The following NF1 variants were observed in gnomAD, a reference collection of about 807,000 sequenced individuals.
The protein encoded by NF1 is neurofibromin 1, also known as neurofibromin.
NF1 carries 122 observed loss-of-function variants against 325.7 expected under a neutral mutation model. That is an observed-to-expected ratio of 0.37 (90% CI 0.32 to 0.44). The LOEUF (loss-of-function observed/expected upper bound fraction) is 0.44. Ranked by LOEUF, NF1 falls within the 20% of genes least tolerant of loss-of-function variation. NF1 has a pLI of 1.00. For missense variants in NF1, 2,140 were observed against 3,415.4 expected, an observed-to-expected ratio of 0.63 and a Z score of 9.31; for synonymous variants, 1,091 against 1,186.0, an observed-to-expected ratio of 0.92 and a Z score of 1.65.
rs1317934996 is a variant in NF1 at position 31,376,048 on chromosome 17, C to T, written c.*1893C>T. The T allele has an allele frequency of 8.6e-6, 2 of 232,898 alleles. No homozygotes were observed. Among genetic ancestry groups the T allele is most frequent in the East Asian group, 1.2e-4 (2 of 16,498 alleles). The allele number at this position is 232,898 out of a possible 1,614,324, so 14.4% of individuals were successfully genotyped here. On this transcript the variant is annotated 3_prime_UTR_variant, in exon 58 of 58. Transcript: ENST00000358273. ...GTTTATAATGACAGAGCAACTATGA[C>T]TATATAAAAAAGCTGAAATTAGAAC...
chr17:31,294,795 CTTAA>C (rs2068425750), intron 36 of NF1: 12 of 599,786 alleles, frequency 2.0e-5, no homozygotes, highest in Admixed American at 9.0e-5. Flanking sequence ...CATTAGTTTA[CTTAA>C]TTAAGACAGT....
At chr17:31,112,150 A>G (rs1411607633) in intron 1 of NF1, among the ~76,000 whole-genome samples, 2 of 152,104 alleles carry the variant, frequency 1.3e-5, no homozygotes, top group African/African-American at 4.8e-5. Context: ...TTTTTGTCTC[A>G]GTGGATATAT....
chr17:31,226,237 C>T lies in NF1; in HGVS notation c.2002-198C>T, dbSNP rs543145622. ...TGTTGGTCCAGATAATCTCATTTCT[C>T]ATTTGGACAAGATATTTTGGGGTTT... is the stretch of plus-strand genomic sequence containing the variant. On this transcript the variant is annotated intron_variant, in intron 17 of 57. Coordinates refer to ENST00000358273, the MANE Select transcript of NF1 (RefSeq NM_001042492.3). 2.6e-5 allele frequency among the ~76,000 whole-genome samples: 4 copies of T among 151,094 alleles called. No individual in the cohort carries two copies. In the South Asian group the frequency reaches 8.4e-4, roughly 32 times the overall value.
chr17:31,189,323 TG>T (rs2066297210), intron 8 of NF1, among the ~76,000 whole-genome samples: 1 of 104,508 alleles, frequency 9.6e-6, no homozygotes, highest in Non-Finnish European at 2.6e-5. Context: ...TGTTCCTTTT[TG>T]TCTCCTAGCT....
chr17:31,361,311 A>T (rs1222808730), intron 57 of NF1: 2 of 152,782 alleles, frequency 1.3e-5, no homozygotes, highest in Non-Finnish European at 2.9e-5. Context: ...ATACACTGAG[A>T]AATACTAATA....
intron 36 of NF1, among the ~76,000 whole-genome samples, chr17:31,276,232 A>AGG (rs1555620774): frequency 4.5e-5 from 6 of 134,416 alleles, no homozygotes; most frequent in African/African-American, 1.6e-4. Flanking sequence ...AAAAAAAAAA[A>AGG]GGGGCACAAT....
chr17:31,342,189 A>T (rs191486305), intron 47 of NF1, among the ~76,000 whole-genome samples: 9 of 152,286 alleles, frequency 5.9e-5, no homozygotes, highest in Admixed American at 5.9e-4. Flanking sequence ...ATGCTTGTAC[A>T]TCTGTTTTGG....
At chr17:31,174,675 T>C (rs1369083111) in intron 5 of NF1, among the ~76,000 whole-genome samples, 5 of 152,226 alleles carry the variant, frequency 3.3e-5, no homozygotes, top group African/African-American at 9.6e-5. Context: ...CAATCATTTA[T>C]TAGATCTGTA....
intron 5 of NF1, among the ~76,000 whole-genome samples, chr17:31,176,226 G>A (rs1185074229): frequency 6.6e-6 from 1 of 152,216 alleles, no homozygotes; most frequent in Non-Finnish European, 1.5e-5. Context: ...TTACTGGCGT[G>A]AGATGGTATC....
At chr17:31,124,503 T>G (rs1914696414) in intron 1 of NF1, among the ~76,000 whole-genome samples, 1 of 151,276 alleles carries the variant, frequency 6.6e-6, no homozygotes, top group African/African-American at 2.4e-5. Context: ...GAGGAACACT[T>G]AATTTGTTTT....
intron 3 of NF1, among the ~76,000 whole-genome samples, chr17:31,161,146 T>C (rs2065755062): frequency 6.6e-6 from 1 of 152,208 alleles, no homozygotes; most frequent in African/African-American, 2.4e-5. Context: ...CTTACCAATA[T>C]GTTATGAGTG....
At chr17:31,105,740 C>A (rs1215687605) in intron 1 of NF1, among the ~76,000 whole-genome samples, 1 of 152,118 alleles carries the variant, frequency 6.6e-6, no homozygotes, top group Non-Finnish European at 1.5e-5. Flanking sequence ...TCTTGAACTC[C>A]CAACCTCAGG....
chr17:31,201,168 A>G lies in NF1; in HGVS notation c.1185+9A>G, dbSNP rs776421322. 1.2e-5 allele frequency: 19 copies of G among 1,613,902 alleles called. No individual in the cohort carries two copies. ...ACAACCAACACTTTAAGGTGAGAGC[A>G]TTGGTTTTTATCTAACTATATTTAC... On this transcript the variant is annotated intron_variant, in intron 10 of 57. Transcript: ENST00000358273.
chr17:31,223,969 C>T (rs978287147), intron 16 of NF1, among the ~76,000 whole-genome samples: 2 of 151,974 alleles, frequency 1.3e-5, no homozygotes, highest in African/African-American at 4.8e-5. Context: ...TCTATTATGG[C>T]GTAGATTTGG....
intron 4 of NF1, among the ~76,000 whole-genome samples, chr17:31,165,956 T>G (rs1253906763): frequency 6.6e-6 from 1 of 152,152 alleles, no homozygotes; most frequent in African/African-American, 2.4e-5. Flanking sequence ...CCTCCCAAAG[T>G]GTTGGGATTA....
At chr17:31,241,462 T>C (rs1369534399) in intron 29 of NF1, among the ~76,000 whole-genome samples, 3 of 152,202 alleles carry the variant, frequency 2.0e-5, no homozygotes, top group South Asian at 4.1e-4. Flanking sequence ...TAAAAGTGAT[T>C]TTCACAGATG....
intron 36 of NF1, among the ~76,000 whole-genome samples, chr17:31,267,441 T>C (rs1230692038): frequency 6.6e-6 from 1 of 152,186 alleles, no homozygotes; most frequent in African/African-American, 2.4e-5. Flanking sequence ...TTTTCAATCC[T>C]TTTAGTTTCT....
intron 36 of NF1, chr17:31,295,969 A>G (rs376511331): frequency 6.2e-6 from 10 of 1,614,048 alleles, no homozygotes; most frequent in Non-Finnish European, 8.5e-6. Flanking sequence ...GATTCCACTG[A>G]TAAGCAGTAT....
chr17:31,126,648 C>T (rs570481491), intron 1 of NF1, among the ~76,000 whole-genome samples: 4 of 151,888 alleles, frequency 2.6e-5, no homozygotes, highest in East Asian at 1.9e-4. Flanking sequence ...TGCCATGTTC[C>T]CCAGGCTGGT....
Sources: allele counts gnomAD v4.1 joint callset (sites outside exome capture counted in the v4.1 genomes callset), GRCh38; gene constraint gnomAD v4.1.1; transcripts MANE v1.5; gene names NCBI Gene and HGNC (gene_info 2026-07-23, HGNC 2026-07-21).